The following FRAS1 variants were observed in gnomAD, a reference collection of about 807,000 sequenced individuals.
The protein encoded by FRAS1 is Fraser extracellular matrix complex subunit 1, also known as extracellular matrix organizing protein FRAS1.
FRAS1 carries 290 observed loss-of-function variants against 435.2 expected under a neutral mutation model. The observed-to-expected ratio is 0.67, with a 90% CI of 0.61 to 0.73. FRAS1 has a LOEUF of 0.73. Among genes scored for constraint, FRAS1 ranks in the 30% least tolerant of loss-of-function variants. The pLI, the probability that FRAS1 is intolerant of heterozygous loss-of-function variation, is 0.00. For missense variants in FRAS1, 4,860 were observed against 5,001.5 expected (o/e 0.97, Z 0.85); for synonymous variants, 1,800 against 1,851.0 (o/e 0.97, Z 0.71).
At chr4:78,203,396 T>G (rs1723125688) in intron 2 of FRAS1, among the ~76,000 whole-genome samples, 1 of 152,186 alleles carries the variant, frequency 6.6e-6, no homozygotes, top group African/African-American at 2.4e-5. Context: ...AAAATTTGTT[T>G]GTAACCCCCA....
At chr4:78,451,567 A>G (rs1353216380) in intron 45 of FRAS1, among the ~76,000 whole-genome samples, 1 of 152,196 alleles carries the variant, frequency 6.6e-6, no homozygotes, top group Non-Finnish European at 1.5e-5. Flanking sequence ...TGTTATGAGA[A>G]GGTCTTTGGT....
intron 32 of FRAS1, 89 bp from the exon 33 acceptor site, chr4:78,418,848 AAAAGCCCAGAGC>A: frequency 3.1e-6 from 2 of 648,336 alleles, no homozygotes; most frequent in South Asian, 4.3e-5. Context: ...TGACTAATTT[AAAAGCCCAGAGC>A]AATTTTTTTT....
intron 2 of FRAS1, among the ~76,000 whole-genome samples, chr4:78,134,663 TC>T (rs1437856243): frequency 6.6e-5 from 10 of 152,236 alleles, no homozygotes; most frequent in African/African-American, 2.4e-4. Flanking sequence ...ATTTAAAGCT[TC>T]CAGTAACCTG....
chr4:78,465,912 T>A (rs12640892), intron 49 of FRAS1, among the ~76,000 whole-genome samples: 49,553 of 152,134 alleles, frequency 0.33, 8,802 homozygotes, highest in Admixed American at 0.41. Flanking sequence ...TTTAAAAAGG[T>A]CTATTTTCTT....
intron 35 of FRAS1, among the ~76,000 whole-genome samples, chr4:78,425,961 T>C (rs1359380925): frequency 6.6e-6 from 1 of 152,072 alleles, no homozygotes; most frequent in Non-Finnish European, 1.5e-5. Flanking sequence ...CATAGTAATA[T>C]TCCTTGTAGT....
At chr4:78,389,390 G>A (rs141284407) in intron 29 of FRAS1, among the ~76,000 whole-genome samples, 2 of 152,196 alleles carry the variant, frequency 1.3e-5, no homozygotes, top group Admixed American at 6.5e-5. Context: ...CGATTGATCC[G>A]ATTGAGCCTC....
chr4:78,344,348 G>T (rs1385967894), intron 20 of FRAS1, among the ~76,000 whole-genome samples: 1 of 151,958 alleles, frequency 6.6e-6, no homozygotes, highest in Non-Finnish European at 1.5e-5. Flanking sequence ...TCGAAGGTAG[G>T]TACTAATTTT....
chr4:78,127,382 G>T (rs1019735014), intron 2 of FRAS1, among the ~76,000 whole-genome samples: 10 of 152,134 alleles, frequency 6.6e-5, no homozygotes, highest in African/African-American at 1.9e-4. Flanking sequence ...TTTTGCTCTG[G>T]GGAGAGATGT....
At chr4:78,317,337 A>C (rs367990983) in intron 16 of FRAS1, 31 bp from the exon 17 acceptor site, 1 of 1,613,422 alleles carries the variant, frequency 6.2e-7, no homozygotes, top group South Asian at 1.1e-5. Context: ...CCCATGTCCC[A>C]TGGCGTTCTC....
chr4:78,064,803 CA>C (rs1163259266), intron 1 of FRAS1, among the ~76,000 whole-genome samples: 1 of 151,648 alleles, frequency 6.6e-6, no homozygotes, highest in African/African-American at 2.4e-5. Context: ...ATAAATGATC[CA>C]TTAGAGGTAA....
intron 18 of FRAS1, among the ~76,000 whole-genome samples, chr4:78,325,988 G>C (rs570973660): frequency 6.6e-6 from 1 of 152,348 alleles, no homozygotes; most frequent in Non-Finnish European, 1.5e-5. Context: ...GTCCAAAGAG[G>C]AGAATTGTGC....
chr4:78,456,469 G>A (rs1483268377), intron 47 of FRAS1, among the ~76,000 whole-genome samples: 2 of 152,114 alleles, frequency 1.3e-5, no homozygotes, highest in Non-Finnish European at 2.9e-5. Context: ...CCTTCCAGTG[G>A]CAAAAGCATA....
rs1267043319 is a variant in FRAS1, at chr4:78,194,121, G to T, written c.109-43389G>T. On this transcript the variant is annotated intron_variant, in intron 2 of 73. Transcript: ENST00000512123. ...GGCCCCCACTCTCTTCTGGCTTGTAGAGTTTCTGCCGAGAGATCAGCTGTT... is the reference window on the plus strand; with the variant it reads ...GGCCCCCACTCTCTTCTGGCTTGTATAGTTTCTGCCGAGAGATCAGCTGTT... 2.0e-5 allele frequency among the ~76,000 whole-genome samples: 3 copies of T among 152,310 alleles called. No homozygotes were observed. In the East Asian group the frequency reaches 5.8e-4, roughly 29 times the overall value.
At chr4:78,186,371 T>C (rs1311028124) in intron 2 of FRAS1, among the ~76,000 whole-genome samples, 1 of 152,138 alleles carries the variant, frequency 6.6e-6, no homozygotes, top group Non-Finnish European at 1.5e-5. Context: ...AGGCTTCACA[T>C]ATATTTAATA....
intron 17 of FRAS1, 45 bp from the exon 18 acceptor site, chr4:78,318,765 T>C: frequency 6.6e-7 from 1 of 1,511,392 alleles, no homozygotes; most frequent in Non-Finnish European, 8.9e-7. Flanking sequence ...TTGCAACATA[T>C]ATTTGATCCT....
At chr4:78,296,402 T>C (rs1728147948) in intron 14 of FRAS1, among the ~76,000 whole-genome samples, 1 of 151,890 alleles carries the variant, frequency 6.6e-6, no homozygotes, top group Non-Finnish European at 1.5e-5. Flanking sequence ...GGACAGAAGA[T>C]TGGAGTAAAA....
intron 69 of FRAS1, among the ~76,000 whole-genome samples, chr4:78,525,191 G>C (rs1387953251): frequency 6.6e-6 from 1 of 152,172 alleles, no homozygotes; most frequent in Non-Finnish European, 1.5e-5. Flanking sequence ...GCCCCTACAG[G>C]GTTTGAATAG....
chr4:78,438,276 G>T (rs1380540179), intron 38 of FRAS1, among the ~76,000 whole-genome samples: 1 of 151,982 alleles, frequency 6.6e-6, no homozygotes, highest in Non-Finnish European at 1.5e-5. Context: ...TGGCTTTTAT[G>T]GTATTGATAA....
At chr4:78,105,492 G>T (rs1196250030) in intron 2 of FRAS1, among the ~76,000 whole-genome samples, 2 of 152,120 alleles carry the variant, frequency 1.3e-5, no homozygotes, top group African/African-American at 2.4e-5. Flanking sequence ...CTCTCAAAGG[G>T]CCAGGGGAGG....
Sources: allele counts gnomAD v4.1 joint callset (sites outside exome capture counted in the v4.1 genomes callset), GRCh38; gene constraint gnomAD v4.1.1; transcripts MANE v1.5; gene names NCBI Gene and HGNC (gene_info 2026-07-23, HGNC 2026-07-21).